Variants in SLC22A3 observed in about 807,000 individuals in gnomAD.
SLC22A3 encodes the protein EMT organic cation transporter 3.
SLC22A3 carries 51 observed loss-of-function variants against 59.1 expected under a neutral mutation model. The ratio of observed to expected loss-of-function variants is 0.86; its 90% CI spans 0.69 to 1.09. SLC22A3 has a LOEUF of 1.09. Among genes scored for constraint, SLC22A3 ranks in the 50% least tolerant of loss-of-function variants. SLC22A3 has a pLI of 0.00. For missense variants in SLC22A3, 711 were observed against 726.3 expected (o/e 0.98, Z 0.24); for synonymous variants, 325 against 292.0 (o/e 1.11, Z -1.15).
intron 1 of SLC22A3, among the ~76,000 whole-genome samples, chr6:160,357,441 A>G (rs748277219): frequency 6.6e-6 from 1 of 152,136 alleles, no homozygotes; most frequent in Non-Finnish European, 1.5e-5. Flanking sequence ...GAAAGACAAC[A>G]TGTGTGCTTC....
intron 1 of SLC22A3, among the ~76,000 whole-genome samples, chr6:160,382,352 T>C (rs1785827708): frequency 6.6e-6 from 1 of 152,150 alleles, no homozygotes; most frequent in Non-Finnish European, 1.5e-5. Flanking sequence ...ATAAACTCTT[T>C]CCAAATACTT....
chr6:160,408,144 A>T (rs2061223785), intron 3 of SLC22A3, among the ~76,000 whole-genome samples: 1 of 152,214 alleles, frequency 6.6e-6, no homozygotes, highest in African/African-American at 2.4e-5. Context: ...GGATAATCAG[A>T]ATATGAGAAA....
intron 1 of SLC22A3, among the ~76,000 whole-genome samples, chr6:160,357,232 A>G (rs1338449925): frequency 6.6e-6 from 1 of 152,234 alleles, no homozygotes; most frequent in Non-Finnish European, 1.5e-5. Context: ...TAGGACTGCT[A>G]TAGGGCACCA....
At chr6:160,432,592 T>C (rs1788192187) in intron 5 of SLC22A3, among the ~76,000 whole-genome samples, 1 of 152,002 alleles carries the variant, frequency 6.6e-6, no homozygotes, top group African/African-American at 2.4e-5. Context: ...CAAGCCCAGA[T>C]ATTTTTTGTA....
chr6:160,436,661 T>C, intron 5 of SLC22A3, 119 bp from the exon 6 acceptor site: 1 of 686,766 alleles, frequency 1.5e-6, no homozygotes, highest in Non-Finnish European at 2.5e-6. Flanking sequence ...TTTTAAGATA[T>C]TATGAAAGCC....
At chr6:160,361,043 G>A (rs930895991) in intron 1 of SLC22A3, among the ~76,000 whole-genome samples, 5 of 152,170 alleles carry the variant, frequency 3.3e-5, no homozygotes, top group Non-Finnish European at 5.9e-5. Flanking sequence ...GCATGGTATT[G>A]GAACAAGAAC....
intron 1 of SLC22A3, among the ~76,000 whole-genome samples, chr6:160,384,777 C>G (rs1562478090): frequency 6.6e-6 from 1 of 152,150 alleles, no homozygotes; most frequent in Non-Finnish European, 1.5e-5. Context: ...ACTCCGCTCC[C>G]CTCCTTCCCA....
intron 1 of SLC22A3, among the ~76,000 whole-genome samples, chr6:160,379,712 GT>G (rs1785726585): frequency 6.6e-6 from 1 of 152,150 alleles, no homozygotes; most frequent in South Asian, 2.1e-4. Context: ...CTCATGCTCT[GT>G]TCTTGCCATG....
At chr6:160,378,720 C>A (rs945812608) in intron 1 of SLC22A3, among the ~76,000 whole-genome samples, 28 of 152,270 alleles carry the variant, frequency 1.8e-4, no homozygotes, top group South Asian at 1.0e-3. Flanking sequence ...TAGCTTAGCC[C>A]AGCCTACTTT....
chr6:160,413,656 T>C (rs1386671347), intron 5 of SLC22A3, among the ~76,000 whole-genome samples: 1 of 152,238 alleles, frequency 6.6e-6, no homozygotes, highest in Non-Finnish European at 1.5e-5. Context: ...CCTGTGGTTC[T>C]TAAAATTCAA....
chr6:160,382,430 A>G (rs1785831372), intron 1 of SLC22A3, among the ~76,000 whole-genome samples: 2 of 152,252 alleles, frequency 1.3e-5, no homozygotes, highest in Admixed American at 1.3e-4. Context: ...AAGCAACTGC[A>G]GAAGCTGAAA....
intron 2 of SLC22A3, among the ~76,000 whole-genome samples, chr6:160,400,417 C>A (rs1434616454): frequency 6.6e-6 from 1 of 151,988 alleles, no homozygotes; most frequent in African/African-American, 2.4e-5. Flanking sequence ...CAGCTCCAGC[C>A]CCCTCTAGCC....
rs1784571426 is a variant in SLC22A3 at position 160,348,976 on chromosome 6, T to C, written c.429+128T>C. The C allele has an allele frequency of 3.3e-6, 5 of 1,517,924 alleles. No homozygotes were observed. The Admixed American group carries it at 1.0e-4, about 31-fold the overall frequency. The allele number at this position is 1,517,924 out of a possible 1,614,324, so 94.0% of individuals were successfully genotyped here. A position where few individuals can be genotyped will look rare whatever the true frequency, so the allele number is the denominator to read the frequency against. ...GAGACGGGGACCGGTCGGCTACCTC[T>C]GGGGACAGACAGGATTCAGCGCACC... On this transcript the variant is annotated intron_variant, in intron 1 of 10. Transcript: ENST00000275300.
At chr6:160,449,893 G>T (rs775855519) in intron 10 of SLC22A3, among the ~76,000 whole-genome samples, 58 of 152,162 alleles carry the variant, frequency 3.8e-4, no homozygotes, top group Non-Finnish European at 6.6e-4. Flanking sequence ...AGGGGAGGGG[G>T]TGTAAGAACA....
chr6:160,433,853 T>C (rs1788246106), intron 5 of SLC22A3, among the ~76,000 whole-genome samples: 1 of 152,206 alleles, frequency 6.6e-6, no homozygotes, highest in African/African-American at 2.4e-5. Flanking sequence ...TTCACACTCA[T>C]AGCTAGTGGA....
chr6:160,448,407 A>G (rs1788825388), intron 10 of SLC22A3, among the ~76,000 whole-genome samples: 1 of 152,172 alleles, frequency 6.6e-6, no homozygotes, highest in African/African-American at 2.4e-5. Flanking sequence ...ATAATCATAG[A>G]TAGATAAGTG....
intron 1 of SLC22A3, among the ~76,000 whole-genome samples, chr6:160,352,415 G>A (rs969401035): frequency 5.9e-5 from 9 of 152,194 alleles, no homozygotes; most frequent in African/African-American, 1.9e-4. Context: ...GCAGAGAAGC[G>A]AGTCTGACCC....
chr6:160,365,905 G>C (rs1480956241), intron 1 of SLC22A3, among the ~76,000 whole-genome samples: 1 of 152,074 alleles, frequency 6.6e-6, no homozygotes, highest in Non-Finnish European at 1.5e-5. Context: ...CTGAACAAAA[G>C]GGGGAAAAGT....
Position 160,348,592 on chromosome 6 carries a change from C to A in SLC22A3, c.173C>A (p.Ala58Glu). The change falls in exon 1 of 11, where the codon GCG becomes GAG. Residue 58 changes from alanine (A) to glutamate (E), a missense_variant. Coordinates refer to ENST00000275300, the MANE Select transcript of SLC22A3 (RefSeq NM_021977.4). ...HYWCRGPSAA[A>E]LAERCGWSPE... ...TGGTGCCGCGGGCCAAGTGCCGCGG[C>A]GCTGGCCGAGCGCTGCGGCTGGAGC... 1 of 1,519,474 alleles carries A rather than the reference C, an allele frequency of 6.6e-7. No individual in the cohort carries two copies. 94.1% of individuals were successfully genotyped at this position (1,519,474 alleles called of 1,614,324 possible).
Sources: gnomAD v4.1 joint callset for allele counts (sites outside exome capture counted in the v4.1 genomes callset) on GRCh38, gnomAD v4.1.1 for gene constraint, MANE v1.5 for transcripts, NCBI Gene and HGNC (gene_info 2026-07-23, HGNC 2026-07-21) for gene names.